The following ADAMTSL3 variants were observed in gnomAD, a reference collection of about 807,000 sequenced individuals.
ADAMTSL3 encodes ADAMTS like 3.
ADAMTSL3 carries 128 observed loss-of-function variants against 201.7 expected under a neutral mutation model. The observed-to-expected ratio is 0.63, with a 90% CI of 0.55 to 0.73. The LOEUF (loss-of-function observed/expected upper bound fraction) is 0.73, where lower values mean the gene tolerates loss of function less well. ADAMTSL3 is among the 30% of genes least tolerant of loss of function. The probability of loss-of-function intolerance (pLI) is 0.00; values close to 1 mark genes in which losing one functional copy is unlikely to be tolerated. For missense variants in ADAMTSL3, 1,990 were observed against 2,119.6 expected (o/e 0.94, Z 1.20); for synonymous variants, 738 against 748.4 (o/e 0.99, Z 0.23).
intron 5 of ADAMTSL3, among the ~76,000 whole-genome samples, chr15:83,810,037 A>G (rs117189761): frequency 2.6e-5 from 4 of 152,050 alleles, no homozygotes; most frequent in African/African-American, 9.7e-5. Context: ...TTTGCAGTCC[A>G]TTTCTATCAA....
intron 6 of ADAMTSL3, among the ~76,000 whole-genome samples, chr15:83,823,582 C>G (rs2063932356): frequency 6.6e-6 from 1 of 152,212 alleles, no homozygotes; most frequent in Admixed American, 6.5e-5. Flanking sequence ...TTTAGCACGT[C>G]TTTCCATCTT....
chr15:83,936,901 A>G lies in ADAMTSL3; in HGVS notation c.2118-5695A>G, dbSNP rs184411119. Among the ~76,000 whole-genome samples, 88 of 151,204 alleles carry G rather than the reference A, an allele frequency of 5.8e-4. No homozygotes were observed. The East Asian group carries it at 0.012, about 21-fold the overall frequency. On this transcript the variant is annotated intron_variant, in intron 17 of 29. Coordinates refer to ENST00000286744, the MANE Select transcript of ADAMTSL3 (RefSeq NM_207517.3). Reference sequence around the variant, plus strand: ...GAAGACCTCCATGTGGCCAACAAGCATATGAAAACATGCTCAACATCACTA... The same window carrying G: ...GAAGACCTCCATGTGGCCAACAAGCGTATGAAAACATGCTCAACATCACTA...
chr15:83,963,511 G>A (rs2067014044), intron 19 of ADAMTSL3, among the ~76,000 whole-genome samples: 1 of 152,134 alleles, frequency 6.6e-6, no homozygotes, highest in Non-Finnish European at 1.5e-5. Flanking sequence ...CCACAGTCAG[G>A]GTCTTATAGA....
chr15:83,678,320 A>G (rs2141414996), intron 2 of ADAMTSL3, among the ~76,000 whole-genome samples: 1 of 151,840 alleles, frequency 6.6e-6, no homozygotes, highest in East Asian at 1.9e-4. Context: ...CTCTTCTTTA[A>G]TGGTAGGCCT....
At chr15:83,663,739 C>G (rs2061208512) in intron 2 of ADAMTSL3, among the ~76,000 whole-genome samples, 1 of 152,188 alleles carries the variant, frequency 6.6e-6, no homozygotes, top group South Asian at 2.1e-4. Context: ...GGAGTCTGAG[C>G]AGGAAGATCT....
intron 23 of ADAMTSL3, among the ~76,000 whole-genome samples, chr15:84,012,327 A>G (rs766087757): frequency 2.0e-5 from 3 of 152,144 alleles, no homozygotes; most frequent in Admixed American, 1.3e-4. Flanking sequence ...AAGCTTCTTC[A>G]GGTTATTGGC....
At chr15:83,799,288 G>A (rs1388467833) in intron 4 of ADAMTSL3, among the ~76,000 whole-genome samples, 1 of 152,040 alleles carries the variant, frequency 6.6e-6, no homozygotes, top group Non-Finnish European at 1.5e-5. Context: ...ATGATTTAGG[G>A]CATTCATGAT....
intron 3 of ADAMTSL3, among the ~76,000 whole-genome samples, chr15:83,714,734 CCTT>C (rs879560393): frequency 1.5e-5 from 1 of 67,408 alleles, no homozygotes; most frequent in African/African-American, 5.5e-5. Flanking sequence ...CTTTTTCTCT[CCTT>C]CTCCTTTTCC....
intron 23 of ADAMTSL3, among the ~76,000 whole-genome samples, chr15:83,996,447 G>T (rs1434604918): frequency 3.3e-5 from 5 of 152,010 alleles, no homozygotes; most frequent in Non-Finnish European, 7.4e-5. Context: ...CCAGAATATA[G>T]AAATAGCTTC....
At chr15:83,882,112 C>T (rs907858431) in intron 9 of ADAMTSL3, among the ~76,000 whole-genome samples, 2 of 151,912 alleles carry the variant, frequency 1.3e-5, no homozygotes, top group African/African-American at 2.4e-5. Context: ...GCCGAGATCG[C>T]GCCACTGCAC....
chr15:83,842,030 T>TCCATCCCCCTTCTGCCTCC (rs1247321632), intron 7 of ADAMTSL3, among the ~76,000 whole-genome samples: 2 of 151,396 alleles, frequency 1.3e-5, no homozygotes, highest in South Asian at 2.1e-4. Context: ...ACCTTCCCAC[T>TCCATCCCCCTTCTGCCTCC]CCATCCCCCT....
intron 6 of ADAMTSL3, among the ~76,000 whole-genome samples, chr15:83,828,531 G>A (rs61666640): frequency 0.1 from 15,329 of 151,926 alleles, 989 homozygotes; most frequent in East Asian, 0.32. Flanking sequence ...TTTCTCCTGC[G>A]TGATTGCCCT....
At chr15:83,750,309 A>G (rs2062618719) in intron 3 of ADAMTSL3, among the ~76,000 whole-genome samples, 1 of 152,236 alleles carries the variant, frequency 6.6e-6, no homozygotes, top group Non-Finnish European at 1.5e-5. Context: ...TACTTAAATA[A>G]TAATGAAAAC....
At chr15:83,956,573 C>CAGTTT (rs773914897) in intron 19 of ADAMTSL3, among the ~76,000 whole-genome samples, 9 of 152,076 alleles carry the variant, frequency 5.9e-5, no homozygotes, top group Non-Finnish European at 1.3e-4. Flanking sequence ...CTGAATCTGA[C>CAGTTT]AGTTTACTCT....
In ADAMTSL3 at chr15:83,942,962, A is replaced by G. The variant is rs376639514; in HGVS notation, c.2370A>G (p.Leu790=). 51 of 1,613,904 alleles carry G rather than the reference A, an allele frequency of 3.2e-5. No homozygotes were observed. In the African/African-American group the frequency reaches 6.7e-4, roughly 21 times the overall value. ...QNRRVTCRQL[L]TDGSFLNLSD... is the part of the protein sequence containing the mutation. The stretch of plus-strand genomic sequence containing the variant: ...GAAGAGTCACCTGTCGGCAGCTGCT[A>G]ACGGATGGCAGCTTTTTGAATCTCT... Residue 790 remains leucine, a synonymous_variant, in exon 19 of 30, where the codon CTA becomes CTG. Coordinates refer to ENST00000286744, the MANE Select transcript of ADAMTSL3 (RefSeq NM_207517.3).
chr15:83,924,961 A>G (rs2066221439), intron 17 of ADAMTSL3, among the ~76,000 whole-genome samples: 2 of 152,154 alleles, frequency 1.3e-5, no homozygotes, highest in African/African-American at 4.8e-5. Flanking sequence ...ACTCTCAGTG[A>G]TTGAGGGAGG....
intron 3 of ADAMTSL3, among the ~76,000 whole-genome samples, chr15:83,730,155 T>C (rs539872243): frequency 7.9e-5 from 12 of 152,224 alleles, no homozygotes; most frequent in African/African-American, 2.2e-4. Context: ...TGGAGTTCTA[T>C]GTGAGCTGAA....
At chr15:83,714,624 T>C (rs1460150621) in intron 3 of ADAMTSL3, among the ~76,000 whole-genome samples, 1 of 151,938 alleles carries the variant, frequency 6.6e-6, no homozygotes, top group African/African-American at 2.4e-5. Context: ...CCTGCTTGCT[T>C]CCTAGGCCTC....
intron 3 of ADAMTSL3, among the ~76,000 whole-genome samples, chr15:83,710,558 C>G (rs992184786): frequency 2.0e-5 from 3 of 152,020 alleles, no homozygotes; most frequent in Admixed American, 1.3e-4. Flanking sequence ...ATGAATCAGC[C>G]TATATTTGTA....
Sources: gnomAD v4.1 joint callset for allele counts (sites outside exome capture counted in the v4.1 genomes callset) on GRCh38, gnomAD v4.1.1 for gene constraint, MANE v1.5 for transcripts, NCBI Gene and HGNC (gene_info 2026-07-23, HGNC 2026-07-21) for gene names.